KIF12: variants seen among roughly 807,000 people sequenced by gnomAD.
KIF12 encodes the protein kinesin-like protein KIF12.
KIF12 carries 80 observed loss-of-function variants against 87.9 expected under a neutral mutation model. That is an observed-to-expected ratio of 0.91 (90% CI 0.76 to 1.10). The LOEUF (loss-of-function observed/expected upper bound fraction) is 1.10, where lower values mean the gene tolerates loss of function less well. Among genes scored for constraint, KIF12 ranks in the 50% least tolerant of loss-of-function variants. The pLI is 0.00. For synonymous variants in KIF12, 353 were observed against 348.5 expected, an observed-to-expected ratio of 1.01 and a Z score of -0.14; for missense variants, 819 against 865.3, an observed-to-expected ratio of 0.95 and a Z score of 0.67.
At position 114,098,373 on chromosome 9, in the gene KIF12, G is replaced by A. The variant is rs764082326; in HGVS notation, c.228C>T (p.Asp76=). 84 of 1,516,146 alleles carry A rather than the reference G, an allele frequency of 5.5e-5. No homozygotes were observed. The African/African-American group carries it at 9.1e-4, about 16-fold the overall frequency. 93.9% of individuals were successfully genotyped at this position (1,516,146 alleles called of 1,614,324 possible). The part of the protein sequence containing the change: ...EVAFRFGAVL[D]AARTQEDVFR... ...ACACGTCCTCCTGCGTGCGCGCCGC[G>A]TCTAGCACCGCACCGAAGCGGAACG... is the stretch of plus-strand genomic sequence containing the variant. Residue 76 remains aspartate, a synonymous_variant, in exon 4 of 19, where the codon GAC becomes GAT. Transcript: ENST00000640217.
rs375251592 is a variant in KIF12 at position 114,093,853 on chromosome 9, G to C, written c.1400+33C>G. 3.2e-6 allele frequency: 5 copies of C among 1,583,092 alleles called. No homozygotes were observed. In the African/African-American group the frequency reaches 6.7e-5, roughly 21 times the overall value. ...CCTTTTCCCAGCTGCCCTCTGTCCA[G>C]AGGCCTGGCTCCAAGCTGGTGGCTC... On this transcript the variant is annotated intron_variant, in intron 14 of 18. Transcript: ENST00000640217.
intron 11 of KIF12, among the ~76,000 whole-genome samples, 162 bp from the exon 12 acceptor site, chr9:114,094,617 C>T (rs1266340385): frequency 2.0e-5 from 3 of 152,210 alleles, no homozygotes; most frequent in Non-Finnish European, 2.9e-5. Flanking sequence ...GAAGGGGCAC[C>T]TTGTCCTAAG....
intron 6 of KIF12, 32 bp from the exon 7 acceptor site, chr9:114,097,468 GGATCTTTCTGAGTCCACCCATCCCCA>G: frequency 1.3e-6 from 2 of 1,579,050 alleles, no homozygotes; most frequent in Non-Finnish European, 1.7e-6. Context: ...TGAGGGAAGG[GGATCTTTCTGAGTCCACCCATCCCCA>G]GATCTTACTG....
chr9:114,092,127 C>G, intron 18 of KIF12, 127 bp from the exon 19 acceptor site: 1 of 1,434,808 alleles, frequency 7.0e-7, no homozygotes, highest in Admixed American at 2.9e-5. Flanking sequence ...CCCCACCCCA[C>G]CCCCATACAC....
chr9:114,098,062 G>GCT, intron 5 of KIF12, 53 bp downstream of exon 5: 2 of 1,503,162 alleles, frequency 1.3e-6, no homozygotes, highest in South Asian at 2.5e-5. Context: ...GCTCCCCAGG[G>GCT]CTTCCAGCCC....
At chr9:114,098,453 CG>C in intron 3 of KIF12, 24 bp from the exon 4 acceptor site, 1 of 1,414,420 alleles carries the variant, frequency 7.1e-7, no homozygotes. Flanking sequence ...GGCGGAGGAG[CG>C]GGGCACTCTG....
rs1376830840 is a variant in KIF12, at chr9:114,097,678, A to G, written c.439T>C (p.Leu147=). 1 of 1,614,082 alleles carries G rather than the reference A, an allele frequency of 6.2e-7. No individual in the cohort carries two copies. The highest frequency in any genetic ancestry group is 1.1e-5 in the South Asian group (1 of 91,078). ...GCACCCAGGTGCTGCACGCGGTCCA[A>G]CAGCCAGGCGAAGGTCCTCTGCATG... ...GIMQRTFAWL[L]DRVQHLGAPV... Residue 147 remains leucine (L), a synonymous_variant, in exon 6 of 19, where the codon TTG becomes CTG. Transcript: ENST00000640217.
intron 1 of KIF12, 25 bp downstream of exon 1, chr9:114,099,226 C>T (rs1234163574): frequency 6.4e-7 from 1 of 1,550,848 alleles, no homozygotes; most frequent in Non-Finnish European, 8.7e-7. Context: ...CAGGACTCCT[C>T]GAACCTGTCT....
At chr9:114,097,458 T>C (rs201775940) in intron 6 of KIF12, 22 bp from the exon 7 acceptor site, 49 of 1,580,786 alleles carry the variant, frequency 3.1e-5, no homozygotes, top group Non-Finnish European at 4.3e-6. Flanking sequence ...GGGAGGAGGG[T>C]GAGGGAAGGG....
Position 114,098,414 on chromosome 9 carries a change from C to G in KIF12, c.187G>C (p.Gly63Arg). The change falls in exon 4 of 19, where the codon GGG becomes CGG. Residue 63 changes from glycine to arginine, a missense_variant. By Grantham distance (125) the Gly-to-Arg change is moderately radical (BLOSUM62 -2). Transcript: ENST00000640217. ...TRTLQVSPPG[G>R]GPEVAFRFGA... The stretch of plus-strand genomic sequence containing the variant: ...AAGCGGAACGCCACTTCTGGACCCC[C>G]GCCTGGAGGACTCACCTGGCGCGGG... 3 of 1,508,426 alleles carry G rather than the reference C, an allele frequency of 2.0e-6. No homozygotes were observed. Among genetic ancestry groups the G allele is most frequent in the Non-Finnish European group, 1.8e-6 (2 of 1,135,864 alleles). 93.4% of individuals were successfully genotyped at this position (1,508,426 alleles called of 1,614,324 possible). A position where few individuals can be genotyped will look rare whatever the true frequency, so the allele number is the denominator to read the frequency against.
chr9:114,092,557 T>C lies in KIF12; in HGVS notation c.1682A>G (p.Lys561Arg). The C allele has an allele frequency of 6.2e-7, 1 of 1,611,708 alleles. No homozygotes were observed. Among genetic ancestry groups the C allele is most frequent in the South Asian group, 1.1e-5 (1 of 90,774 alleles). The change falls in exon 17 of 19, where the codon AAG (lysine) becomes AGG (arginine). Residue 561 changes from lysine to arginine, a missense_variant. Lys to Arg is a conservative substitution (Grantham distance 26). Coordinates refer to ENST00000640217, the MANE Select transcript of KIF12 (RefSeq NM_001388308.1). ...AGAGACCCACCTCTCTCTTGGGCACTTGGCAGAGCCAGGGCTGCATGGGGG... is the reference window on the plus strand; with the variant it reads ...AGAGACCCACCTCTCTCTTGGGCACCTGGCAGAGCCAGGGCTGCATGGGGG... ...WAPPCSPGSA[K>R]CPRERSHSDW...
intron 11 of KIF12, 46 bp from the exon 12 acceptor site, chr9:114,094,501 G>A (rs778047024): frequency 3.9e-5 from 46 of 1,174,776 alleles, no homozygotes; most frequent in Admixed American, 9.9e-5. Context: ...TGTATAAGTC[G>A]TGCACTGCAC....
At chr9:114,097,259 T>C (rs1847270681) in intron 7 of KIF12, 42 bp downstream of exon 7, 1 of 1,592,006 alleles carries the variant, frequency 6.3e-7, no homozygotes, top group South Asian at 1.2e-5. Context: ...AACTGAGGAA[T>C]GGGCACCCCT....
At position 114,094,419 on chromosome 9, in the gene KIF12, C is replaced by CT; in HGVS notation, c.1155dup (p.Glu386ArgfsTer50). 6.2e-7 allele frequency: 1 copy of CT among 1,614,028 alleles called. No homozygotes were observed. The highest frequency in any genetic ancestry group is 8.5e-7 in the Non-Finnish European group (1 of 1,179,898). ...TTCTCCTCCTGGAGCTGCAGCATCT[C>CT]TGTCTCCAAACGCTGGGGCTGCTTT... On this transcript the variant is annotated frameshift_variant, in exon 12 of 19. Coordinates refer to ENST00000640217, the MANE Select transcript of KIF12 (RefSeq NM_001388308.1). LOFTEE classifies it high-confidence loss of function.
intron 1 of KIF12, 22 bp from the exon 2 acceptor site, chr9:114,099,191 A>C: frequency 6.5e-7 from 1 of 1,528,378 alleles, no homozygotes; most frequent in Non-Finnish European, 8.7e-7. Context: ...AATGCGACTT[A>C]TCATACCTGC....
chr9:114,095,617 G>A lies in KIF12; in HGVS notation c.896-285C>T, dbSNP rs192296079. Among the ~76,000 whole-genome samples, 17 of 152,278 alleles carry A rather than the reference G, an allele frequency of 1.1e-4. 1 individual carries two copies. Among genetic ancestry groups the A allele is most frequent in the South Asian group, 4.2e-4 (2 of 4,818 alleles). On this transcript the variant is annotated intron_variant, in intron 9 of 18. Transcript: ENST00000640217. ...AATGGATTGTACACAAAGGAGTTTC[G>A]CGGGCATCTCACATGCATGCCACAG... is the stretch of plus-strand genomic sequence containing the variant.
At chr9:114,094,043 A>G in intron 13 of KIF12, 71 bp from the exon 14 acceptor site, 1 of 1,465,834 alleles carries the variant, frequency 6.8e-7, no homozygotes, top group African/African-American at 1.4e-5. Flanking sequence ...GCTCCTCCTC[A>G]TTGCAGCATA....
At chr9:114,097,207 G>T in intron 7 of KIF12, 94 bp downstream of exon 7, 2 of 1,462,936 alleles carry the variant, frequency 1.4e-6, no homozygotes, top group Middle Eastern at 1.8e-4. Flanking sequence ...CATTTCTGAA[G>T]CTGCAGCTGC....
At position 114,092,357 on chromosome 9, in the gene KIF12, G is replaced by A; in HGVS notation, c.1792C>T (p.Pro598Ser). ...CCTCTGAGCCCTGGTGATGTCTTCG[G>A]GGGCCTCACAGGCAGGGGAGGTGCA... ...PSAPPLPVRPPKTSPGLRGGA... is the reference protein window; with the variant it reads ...PSAPPLPVRPSKTSPGLRGGA... The change falls in exon 18 of 19, where the codon CCG (proline) becomes TCG (serine). Residue 598 changes from proline to serine, a missense_variant. By Grantham distance (74) the Pro-to-Ser change is moderately conservative. Transcript: ENST00000640217. 6.2e-7 allele frequency: 1 copy of A among 1,602,284 alleles called. No homozygotes were observed. Among genetic ancestry groups the A allele is most frequent in the Non-Finnish European group, 8.5e-7 (1 of 1,175,180 alleles).
Sources: gnomAD v4.1 joint callset for allele counts (sites outside exome capture counted in the v4.1 genomes callset) on GRCh38, gnomAD v4.1.1 for gene constraint, MANE v1.5 for transcripts, NCBI Gene and HGNC (gene_info 2026-07-23, HGNC 2026-07-21) for gene names.